Variants in PDE1C observed in about 807,000 individuals in gnomAD.
PDE1C encodes phosphodiesterase 1C.
In PDE1C, 62 loss-of-function variants were observed where a neutral mutation model predicts 93.1. That is an observed-to-expected ratio of 0.67 (90% CI 0.54 to 0.82). PDE1C has a LOEUF of 0.82. Ranked by LOEUF, PDE1C falls within the 40% of genes least tolerant of loss-of-function variation. PDE1C has a pLI of 0.00. For missense variants in PDE1C, 742 were observed against 884.6 expected (o/e 0.84, Z 2.04); for synonymous variants, 325 against 310.1 (o/e 1.05, Z -0.50).
chr7:31,829,326 G>A (rs1368433383), intron 11 of PDE1C, among the ~76,000 whole-genome samples: 2 of 152,144 alleles, frequency 1.3e-5, no homozygotes, highest in Non-Finnish European at 2.9e-5. Flanking sequence ...GAAAATGCAT[G>A]TAAATAAATA....
At chr7:32,347,100 T>C (rs1337182470) in intron 1 of PDE1C, among the ~76,000 whole-genome samples, 1 of 152,226 alleles carries the variant, frequency 6.6e-6, no homozygotes, top group Non-Finnish European at 1.5e-5. Context: ...AATGAAGTTG[T>C]TTTAAAAAGA....
intron 17 of PDE1C, among the ~76,000 whole-genome samples, chr7:31,756,998 C>G (rs1475246761): frequency 2.0e-5 from 3 of 152,210 alleles, no homozygotes; most frequent in Non-Finnish European, 4.4e-5. Context: ...CAGCTCTGCA[C>G]ATCTCTTCCA....
chr7:32,114,276 A>G (rs1240708123), intron 3 of PDE1C, among the ~76,000 whole-genome samples: 1 of 152,208 alleles, frequency 6.6e-6, no homozygotes, highest in Non-Finnish European at 1.5e-5. Context: ...AAACAGACAT[A>G]TATACCAACG....
chr7:32,410,391 G>A (rs867926848), intron 1 of PDE1C, among the ~76,000 whole-genome samples: 1 of 151,456 alleles, frequency 6.6e-6, no homozygotes, highest in Non-Finnish European at 1.5e-5. Flanking sequence ...GGAGGAGGGG[G>A]TGGAGGGGGA....
At chr7:32,423,264 C>A (rs1379236261) in intron 1 of PDE1C, among the ~76,000 whole-genome samples, 3 of 152,204 alleles carry the variant, frequency 2.0e-5, no homozygotes, top group Non-Finnish European at 4.4e-5. Flanking sequence ...GTGGTCCCAA[C>A]TACTCAGGAG....
upstream of PDE1C, chr7:32,071,376 C>G (rs1229511203): frequency 2.0e-6 from 2 of 985,360 alleles, no homozygotes; most frequent in Non-Finnish European, 2.4e-6. Flanking sequence ...AATATTGAAG[C>G]GACTGATGGG....
chr7:32,211,654 G>A lies in PDE1C; in HGVS notation c.86-2115C>T, dbSNP rs141719997. The stretch of plus-strand genomic sequence containing the variant: ...GGAAGAACAAATGAGTCCCAGTTAG[G>A]TATAGACATGAATTTCCATGGCCTT... On this transcript the variant is annotated intron_variant, in intron 1 of 18. Coordinates refer to the PDE1C transcript ENST00000396193. Among the ~76,000 whole-genome samples, 10 of 152,178 alleles carry A rather than the reference G, an allele frequency of 6.6e-5. No homozygotes were observed. In the East Asian group the frequency reaches 1.9e-3, roughly 29 times the overall value.
intron 3 of PDE1C, among the ~76,000 whole-genome samples, chr7:32,107,041 G>A (rs1236256433): frequency 3.3e-5 from 5 of 150,560 alleles, no homozygotes; most frequent in Non-Finnish European, 5.9e-5. Flanking sequence ...TAAAAGAAAT[G>A]AAAAATGACT....
intron 3 of PDE1C, among the ~76,000 whole-genome samples, chr7:32,168,675 G>A (rs544528795): frequency 1.5e-4 from 23 of 152,230 alleles, no homozygotes; most frequent in Non-Finnish European, 2.9e-4. Context: ...CAAGCCCTTA[G>A]TAGGAATAAA....
chr7:31,794,033 TAGATAGATAGACAGACAGACAGACAGAC>T (rs1413839512), intron 16 of PDE1C, among the ~76,000 whole-genome samples: 110 of 105,396 alleles, frequency 1.0e-3, no homozygotes, highest in African/African-American at 3.5e-3. Context: ...GATAGATAGA[TAGATAGATAGACAGACAGACAGACAGAC>T]AGACAGACAG....
the PDE1C span, among the ~76,000 whole-genome samples, chr7:31,728,275 G>A: frequency 6.6e-6 from 1 of 152,114 alleles, no homozygotes; most frequent in Non-Finnish European, 1.5e-5. Flanking sequence ...GTGGGCCCAA[G>A]GGAGCCTAGA....
At chr7:32,407,090 A>G (rs1447339245) in intron 1 of PDE1C, among the ~76,000 whole-genome samples, 1 of 152,194 alleles carries the variant, frequency 6.6e-6, no homozygotes, top group Non-Finnish European at 1.5e-5. Flanking sequence ...CCTGGCCAAC[A>G]TGGTGAAACC....
intron 1 of PDE1C, among the ~76,000 whole-genome samples, chr7:32,248,392 C>T (rs780266943): frequency 4.6e-5 from 7 of 152,120 alleles, no homozygotes; most frequent in African/African-American, 1.7e-4. Flanking sequence ...AGATTCCCAG[C>T]CTTGAATGGG....
intron 11 of PDE1C, among the ~76,000 whole-genome samples, chr7:31,830,294 A>G (rs746857424): frequency 7.9e-5 from 12 of 152,142 alleles, no homozygotes; most frequent in Non-Finnish European, 1.6e-4. Context: ...CTCTACAGCT[A>G]TAGCTTAAAA....
chr7:31,769,325 A>G (rs1795332634), intron 17 of PDE1C, among the ~76,000 whole-genome samples: 2 of 152,314 alleles, frequency 1.3e-5, no homozygotes, highest in Middle Eastern at 3.4e-3. Flanking sequence ...TTCCCTGCAC[A>G]TAATCAGCTT....
intron 1 of PDE1C, among the ~76,000 whole-genome samples, chr7:32,404,365 G>T (rs185860450): frequency 6.6e-6 from 1 of 151,996 alleles, no homozygotes; most frequent in Non-Finnish European, 1.5e-5. Flanking sequence ...TCTTTGTTTT[G>T]GTTTTGGTTT....
At chr7:32,272,176 C>T (rs565922497) in intron 1 of PDE1C, among the ~76,000 whole-genome samples, 4 of 152,216 alleles carry the variant, frequency 2.6e-5, no homozygotes, top group Admixed American at 2.6e-4. Flanking sequence ...GAGGGTGAAA[C>T]TGCAATGGGG....
chr7:32,014,220 T>C (rs571269341), intron 2 of PDE1C, among the ~76,000 whole-genome samples: 2 of 152,072 alleles, frequency 1.3e-5, no homozygotes, highest in East Asian at 3.9e-4. Context: ...GAAAACGAAA[T>C]AAGGAAAACT....
chr7:32,071,089 C>T (rs1796010929), upstream of PDE1C: 4 of 985,366 alleles, frequency 4.1e-6, no homozygotes, highest in South Asian at 1.9e-4. Context: ...GGCGCGCGGG[C>T]ACCGCCGTCT....
Sources: allele counts gnomAD v4.1 joint callset (sites outside exome capture counted in the v4.1 genomes callset), GRCh38; gene constraint gnomAD v4.1.1; transcripts MANE v1.5; gene names NCBI Gene and HGNC (gene_info 2026-07-23, HGNC 2026-07-21).